Variants in SH2B3 observed in about 807,000 individuals in gnomAD.
SH2B3 encodes the protein SH2B adapter protein 3.
In SH2B3, 43 loss-of-function variants were observed where a neutral mutation model predicts 51.9. That is an observed-to-expected ratio of 0.83 (90% CI 0.65 to 1.07). The LOEUF (loss-of-function observed/expected upper bound fraction) is 1.07, where lower values mean the gene tolerates loss of function less well. SH2B3 is among the 50% of genes least tolerant of loss of function. The probability of loss-of-function intolerance (pLI) is 0.00; values close to 1 mark genes in which losing one functional copy is unlikely to be tolerated. For synonymous variants in SH2B3, 396 were observed against 376.0 expected, an observed-to-expected ratio of 1.05 and a Z score of -0.62; for missense variants, 952 against 834.3, an observed-to-expected ratio of 1.14 and a Z score of -1.74.
At chr12:111,413,779 T>C (rs1870885343) in intron 1 of SH2B3, among the ~76,000 whole-genome samples, 1 of 152,200 alleles carries the variant, frequency 6.6e-6, no homozygotes, top group Admixed American at 6.5e-5. Flanking sequence ...GAGCTGGAGA[T>C]GAAGCAGGGA....
chr12:111,423,455 C>T (rs1002931546), intron 2 of SH2B3, among the ~76,000 whole-genome samples: 4 of 152,148 alleles, frequency 2.6e-5, no homozygotes, highest in East Asian at 1.9e-4. Flanking sequence ...CTGCCAGCTC[C>T]GCCTCCCGGG....
intron 2 of SH2B3, among the ~76,000 whole-genome samples, chr12:111,431,444 A>G (rs577028056): frequency 6.6e-6 from 1 of 151,164 alleles, no homozygotes; most frequent in East Asian, 1.9e-4. Context: ...AATGTTTTTT[A>G]TTTTGCTTTT....
At chr12:111,428,754 G>A (rs1227335414) in intron 2 of SH2B3, among the ~76,000 whole-genome samples, 1 of 152,154 alleles carries the variant, frequency 6.6e-6, no homozygotes, top group East Asian at 1.9e-4. Context: ...AGCTCCCTCT[G>A]GGTGGGCTGT....
chr12:111,439,260 C>T (rs1379881649), intron 2 of SH2B3, among the ~76,000 whole-genome samples: 2 of 152,050 alleles, frequency 1.3e-5, no homozygotes, highest in Non-Finnish European at 2.9e-5. Context: ...AGCGATTCTC[C>T]TGCCTCAGCC....
intron 2 of SH2B3, among the ~76,000 whole-genome samples, chr12:111,424,607 T>C (rs541736585): frequency 3.3e-5 from 5 of 152,160 alleles, no homozygotes; most frequent in African/African-American, 1.2e-4. Flanking sequence ...TGTCACAGGC[T>C]TGGTGGTTGC....
chr12:111,430,518 TTTTG>T (rs1872387007), intron 2 of SH2B3, among the ~76,000 whole-genome samples: 1 of 151,912 alleles, frequency 6.6e-6, no homozygotes, highest in Non-Finnish European at 1.5e-5. Context: ...TATTTTTTTG[TTTTG>T]TTTGTTTTCG....
intron 2 of SH2B3, among the ~76,000 whole-genome samples, chr12:111,442,274 C>T: frequency 6.6e-6 from 1 of 152,166 alleles, no homozygotes. Flanking sequence ...TACGGGCCCC[C>T]TATTACTGAA....
chr12:111,430,835 A>T (rs771432037), intron 2 of SH2B3, among the ~76,000 whole-genome samples: 6 of 152,074 alleles, frequency 3.9e-5, no homozygotes, highest in Non-Finnish European at 8.8e-5. Flanking sequence ...GAAAAAGGGG[A>T]AGGAGGCCAC....
intron 1 of SH2B3, among the ~76,000 whole-genome samples, chr12:111,414,879 C>T (rs1048235151): frequency 6.6e-6 from 1 of 152,164 alleles, no homozygotes; most frequent in Admixed American, 6.5e-5. Flanking sequence ...AGGTGGATGC[C>T]ATGCTGCCAC....
intron 2 of SH2B3, among the ~76,000 whole-genome samples, chr12:111,423,550 T>C (rs964437304): frequency 1.8e-4 from 27 of 152,206 alleles, no homozygotes; most frequent in African/African-American, 6.0e-4. Context: ...TTTTGTATTT[T>C]TAGTAGAGAT....
chr12:111,418,898 G>T lies in SH2B3; in HGVS notation c.732+21G>T. 7.2e-7 allele frequency: 1 copy of T among 1,391,130 alleles called. No homozygotes were observed. Among genetic ancestry groups the T allele is most frequent in the Non-Finnish European group, 9.2e-7 (1 of 1,084,976 alleles). 86.2% of individuals were successfully genotyped at this position (1,391,130 alleles called of 1,614,324 possible). On this transcript the variant is annotated intron_variant, in intron 2 of 7. Coordinates refer to ENST00000341259, the MANE Select transcript of SH2B3 (RefSeq NM_005475.3). The surrounding 1 kb of genome is among the most constrained non-coding windows in gnomAD (Gnocchi z 6.7). ...CCAAGGTAAGTAAGCCCTGCCCGCG[G>T]GGTTGCGCACTGCACTGCGCCCTTC...
chr12:111,447,962 T>C (rs751037353), intron 7 of SH2B3, 21 bp from the exon 8 acceptor site: 1 of 1,582,390 alleles, frequency 6.3e-7, no homozygotes, highest in Non-Finnish European at 8.6e-7. Context: ...TGGTGTGGTC[T>C]CTCTTGGTCA....
At chr12:111,415,687 T>C (rs1871031622) in intron 1 of SH2B3, among the ~76,000 whole-genome samples, 1 of 150,586 alleles carries the variant, frequency 6.6e-6, no homozygotes, top group South Asian at 2.1e-4. Flanking sequence ...AGTGGCATGA[T>C]CTCAGCTCGT....
rs1872749058 is a variant in SH2B3 at position 111,435,084 on chromosome 12, CT to C, written c.733-11668del. 7.1e-7 allele frequency: 1 copy of C among 1,399,080 alleles called. No homozygotes were observed. The highest frequency in any genetic ancestry group is 1.4e-5 in the African/African-American group (1 of 70,180). 86.7% of individuals were successfully genotyped at this position (1,399,080 alleles called of 1,614,324 possible). On this transcript the variant is annotated intron_variant, in intron 2 of 7. Coordinates refer to ENST00000341259, the MANE Select transcript of SH2B3 (RefSeq NM_005475.3). The surrounding 1 kb of genome is among the most constrained non-coding windows in gnomAD (Gnocchi z 4.8). ...GGGGATCTTGGTGGTGATGAGTCCC[CT>C]CTCCTCTGGTGCACTCTCCCCACCC... is the stretch of plus-strand genomic sequence containing the variant.
At chr12:111,417,484 A>T (rs1459575009) in intron 1 of SH2B3, among the ~76,000 whole-genome samples, 1 of 151,406 alleles carries the variant, frequency 6.6e-6, no homozygotes, top group Non-Finnish European at 1.5e-5. Flanking sequence ...TTATTTATTT[A>T]TTTATTTTTT....
At position 111,409,230 on chromosome 12, in the gene SH2B3, T is replaced by G. The variant is rs1870485320; in HGVS notation, c.-28+2953T>G. 6.6e-6 allele frequency among the ~76,000 whole-genome samples: 1 copy of G among 152,166 alleles called. No homozygotes were observed. Among genetic ancestry groups the G allele is most frequent in the Admixed American group, 6.5e-5 (1 of 15,282 alleles). ...GTGATCTTGGGCTGGTCCCTTAGCC[T>G]CTCTGAGCCACAGGTCTTTTTGTCT... On this transcript the variant is annotated intron_variant, in intron 1 of 7. Transcript: ENST00000341259. This position sits in a 1 kb window ranked among gnomAD's most constrained non-coding sequence, Gnocchi z 4.0.
Position 111,448,392 on chromosome 12 carries a change from C to T in SH2B3, c.*90C>T. ...GAATGTAATTGATCTTTCCTTCCTTCCAGAGAAAGATTTAAGGGACACTGT... is the reference window on the plus strand; with the variant it reads ...GAATGTAATTGATCTTTCCTTCCTTTCAGAGAAAGATTTAAGGGACACTGT... On this transcript the variant is annotated 3_prime_UTR_variant, in exon 8 of 8. Coordinates refer to ENST00000341259, the MANE Select transcript of SH2B3 (RefSeq NM_005475.3). 9.8e-7 allele frequency: 1 copy of T among 1,024,194 alleles called. No individual in the cohort carries two copies. Among genetic ancestry groups the T allele is most frequent in the Non-Finnish European group, 1.4e-6 (1 of 701,828 alleles). The allele number at this position is 1,024,194 out of a possible 1,614,324, so 63.4% of individuals were successfully genotyped here. A position where few individuals can be genotyped will look rare whatever the true frequency, so the allele number is the denominator to read the frequency against.
chr12:111,418,248 G>A lies in SH2B3; in HGVS notation c.103G>A (p.Val35Ile), dbSNP rs758024019. 1.0e-5 allele frequency: 16 copies of A among 1,543,360 alleles called. No homozygotes were observed. The highest frequency in any genetic ancestry group is 4.9e-5 in the East Asian group (2 of 40,970). ...GWSEFCELHA[V>I]AAARELARQY... is the part of the protein sequence containing the mutation. ...GAGCGAGTTCTGTGAGTTGCACGCC[G>A]TAGCGGCGGCCCGGGAGCTGGCCCG... Residue 35 changes from valine (V) to isoleucine (I), a missense_variant, in exon 2 of 8, where the codon GTA becomes ATA. Coordinates refer to ENST00000341259, the MANE Select transcript of SH2B3 (RefSeq NM_005475.3). This position sits in a 1 kb window ranked among gnomAD's most constrained non-coding sequence, Gnocchi z 6.7.
chr12:111,409,267 G>A lies in SH2B3; in HGVS notation c.-28+2990G>A, dbSNP rs2082536382. The stretch of plus-strand genomic sequence containing the variant: ...AGGTCTTTTTGTCTATGAAATAGGG[G>A]GGTTGCCAACTCCCTGTTAGGGTGG... On this transcript the variant is annotated intron_variant, in intron 1 of 7. Transcript: ENST00000341259. The surrounding 1 kb of genome is among the most constrained non-coding windows in gnomAD (Gnocchi z 4.0). Among the ~76,000 whole-genome samples, 1 of 152,168 alleles carries A rather than the reference G, an allele frequency of 6.6e-6. No homozygotes were observed. The highest frequency in any genetic ancestry group is 6.5e-5 in the Admixed American group (1 of 15,280).
Sources: gnomAD v4.1 joint callset for allele counts (sites outside exome capture counted in the v4.1 genomes callset) on GRCh38, gnomAD v4.1.1 for gene constraint, Gnocchi (gnomAD v3.1) non-coding constraint, MANE v1.5 for transcripts, NCBI Gene and HGNC (gene_info 2026-07-23, HGNC 2026-07-21) for gene names.